The following GDF3 variants were observed in gnomAD, a reference collection of about 807,000 sequenced individuals.
GDF3 encodes growth differentiation factor 3.
A neutral mutation model predicts 10.2 loss-of-function variants in GDF3; 10 were observed. The ratio of observed to expected loss-of-function variants is 0.98; its 90% CI spans 0.60 to 1.66. The LOEUF (loss-of-function observed/expected upper bound fraction) is 1.66. Ranked by LOEUF, GDF3 falls within the 40% of genes most tolerant of loss-of-function variation. The probability of loss-of-function intolerance (pLI) is 0.00; values close to 1 mark genes in which losing one functional copy is unlikely to be tolerated. For synonymous variants in GDF3, 166 were observed against 178.5 expected, an observed-to-expected ratio of 0.93 and a Z score of 0.56; for missense variants, 450 against 438.3, an observed-to-expected ratio of 1.03 and a Z score of -0.24.
intron 1 of GDF3, among the ~76,000 whole-genome samples, chr12:7,692,028 AAAT>A (rs2136877021): frequency 6.6e-6 from 1 of 152,112 alleles, no homozygotes; most frequent in Non-Finnish European, 1.5e-5. Context: ...AATAAATAAA[AAAT>A]AAAAAAAGTT....
At chr12:7,695,192 T>G (rs1864169370) in intron 1 of GDF3, among the ~76,000 whole-genome samples, 1 of 152,156 alleles carries the variant, frequency 6.6e-6, no homozygotes, top group Non-Finnish European at 1.5e-5. Context: ...AACAAAAACC[T>G]ATTTCAAATC....
At chr12:7,690,966 A>G (rs1022695153) in intron 1 of GDF3, among the ~76,000 whole-genome samples, 10 of 152,010 alleles carry the variant, frequency 6.6e-5, no homozygotes, top group African/African-American at 2.2e-4. Flanking sequence ...CCTGGCTAAC[A>G]TGGTGAAACC....
intron 1 of GDF3, among the ~76,000 whole-genome samples, chr12:7,691,019 G>A (rs1169307041): frequency 2.6e-5 from 4 of 151,870 alleles, no homozygotes; most frequent in Admixed American, 6.6e-5. Context: ...GCGTGGTGGC[G>A]GGCGCCTGTA....
At position 7,690,064 on chromosome 12, in the gene GDF3, G is replaced by T; in HGVS notation, c.909C>A (p.Ile303=). 6.2e-7 allele frequency: 1 copy of T among 1,614,164 alleles called. No individual in the cohort carries two copies. The highest frequency in any genetic ancestry group is 8.5e-7 in the Non-Finnish European group (1 of 1,180,012). Residue 303 remains isoleucine (I), a synonymous_variant, in exon 2 of 2, where the codon ATC becomes ATA. Transcript: ENST00000329913. ...CHGECPFSLT[I]SLNSSNYAFM... ...AAGCATAATTGGAGCTGTTGAGAGA[G>T]ATGGTCAGTGAGAAGGGACACTCTC... is the stretch of plus-strand genomic sequence containing the variant.
At position 7,690,308 on chromosome 12, in the gene GDF3, C is replaced by G. The variant is rs1864112603; in HGVS notation, c.665G>C (p.Cys222Ser). ...ATGAAGGGAGCATCTTAGTCTGGCACAGGTGTCTTCAGGCTGAAAATTCAC... is the reference window on the plus strand; with the variant it reads ...ATGAAGGGAGCATCTTAGTCTGGCAGAGGTGTCTTCAGGCTGAAAATTCAC... ...SGVNFQPEDTCARLRCSLHAS... is the reference protein window; with the variant it reads ...SGVNFQPEDTSARLRCSLHAS... Residue 222 changes from cysteine to serine, a missense_variant, in exon 2 of 2, where the codon TGT becomes TCT. Cys to Ser is a moderately radical substitution (Grantham distance 112). Transcript: ENST00000329913. 1 of 1,614,138 alleles carries G rather than the reference C, an allele frequency of 6.2e-7. No homozygotes were observed. The highest frequency in any genetic ancestry group is 8.5e-7 in the Non-Finnish European group (1 of 1,180,028).
At position 7,689,883 on chromosome 12, in the gene GDF3, C is replaced by A; in HGVS notation, c.1090G>T (p.Gly364Trp). 6.3e-7 allele frequency: 1 copy of A among 1,598,774 alleles called. No homozygotes were observed. The highest frequency in any genetic ancestry group is 1.1e-5 in the South Asian group (1 of 90,772). Residue 364 changes from glycine (G) to tryptophan (W), a missense_variant, in exon 2 of 2, where the codon GGG becomes TGG. Physicochemically the swap from Gly to Trp is radical, Grantham distance 184. Coordinates refer to ENST00000329913, the MANE Select transcript of GDF3 (RefSeq NM_020634.3). Reference sequence around the variant, plus strand: ...CTATTCCCATTTCTGACATCCTACCCACACCCACATTCATCGACTACCATG... The same window carrying A: ...CTATTCCCATTTCTGACATCCTACCAACACCCACATTCATCGACTACCATG... The part of the protein sequence containing the change: ...EDMVVDECGC[G>W]
intron 1 of GDF3, among the ~76,000 whole-genome samples, chr12:7,693,424 T>TG: frequency 8.9e-6 from 1 of 112,402 alleles, no homozygotes; most frequent in Middle Eastern, 5.7e-3. Context: ...GTCAGGGGAG[T>TG]GGGGGGAGGG....
At chr12:7,691,753 A>G (rs1433501224) in intron 1 of GDF3, among the ~76,000 whole-genome samples, 6 of 151,654 alleles carry the variant, frequency 4.0e-5, no homozygotes, top group Non-Finnish European at 7.4e-5. Flanking sequence ...CATGCCTGTA[A>G]TCCCAGCACT....
chr12:7,690,892 C>T (rs1864122621), intron 1 of GDF3, among the ~76,000 whole-genome samples, 188 bp from the exon 2 acceptor site: 1 of 152,136 alleles, frequency 6.6e-6, no homozygotes, highest in South Asian at 2.1e-4. Context: ...CGGCTCACGC[C>T]TGTAATCCCA....
chr12:7,691,473 G>T (rs1339878799), intron 1 of GDF3, among the ~76,000 whole-genome samples: 2 of 151,592 alleles, frequency 1.3e-5, no homozygotes, highest in African/African-American at 4.8e-5. Context: ...TTGGGAGGCT[G>T]AGATGGGAGA....
Position 7,689,941 on chromosome 12 carries a change from A to G in GDF3, c.1032T>C (p.Asn344=). ...AATGTCGTAGAATGACATTGTCATT[A>G]TTGTCCTGGTAGAGCATGGAAATGG... ...LSPISMLYQD[N]NDNVILRHYE... Residue 344 remains asparagine, a synonymous_variant, in exon 2 of 2, where the codon AAT becomes AAC. Transcript: ENST00000329913. 6.2e-7 allele frequency: 1 copy of G among 1,613,940 alleles called. No homozygotes were observed. Among genetic ancestry groups the G allele is most frequent in the Non-Finnish European group, 8.5e-7 (1 of 1,179,824 alleles).
At chr12:7,694,058 A>C (rs1163246777) in intron 1 of GDF3, among the ~76,000 whole-genome samples, 2 of 152,164 alleles carry the variant, frequency 1.3e-5, no homozygotes, top group African/African-American at 4.8e-5. Flanking sequence ...TGGATACAGC[A>C]CGTGTGAGGA....
At chr12:7,693,549 T>C (rs894018056) in intron 1 of GDF3, among the ~76,000 whole-genome samples, 2 of 151,196 alleles carry the variant, frequency 1.3e-5, no homozygotes, top group African/African-American at 4.9e-5. Context: ...CTTAAGTAGG[T>C]ATTTTCTGAG....
rs761412168 is a variant in GDF3, at chr12:7,695,750, A to C, written c.-22T>G. 6 of 1,613,744 alleles carry C rather than the reference A, an allele frequency of 3.7e-6. No homozygotes were observed. The highest frequency in any genetic ancestry group is 5.1e-6 in the Non-Finnish European group (6 of 1,179,842). On this transcript the variant is annotated 5_prime_UTR_variant, in exon 1 of 2. Transcript: ENST00000329913. ...GCATGGCCTCTGGAGTGGCTGTCAG[A>C]CCGGGGAGAGCTCCACTGCCAGACT... is the stretch of plus-strand genomic sequence containing the variant.
At position 7,690,405 on chromosome 12, in the gene GDF3, A is replaced by G. The variant is rs1864114688; in HGVS notation, c.568T>C (p.Trp190Arg). Residue 190 changes from tryptophan to arginine, a missense_variant, in exon 2 of 2, where the codon TGG (tryptophan) becomes CGG (arginine). By Grantham distance (101) the Trp-to-Arg change is moderately radical. Coordinates refer to ENST00000329913, the MANE Select transcript of GDF3 (RefSeq NM_020634.3). ...HFNLLDVAKD[W>R]NDNPRKNFGL... ...AAATTTTTCCGGGGGTTGTCATTCC[A>G]ATCCTTAGCTACATCCAGCAGGTTG... 1 of 1,614,016 alleles carries G rather than the reference A, an allele frequency of 6.2e-7. No homozygotes were observed. The highest frequency in any genetic ancestry group is 1.1e-5 in the South Asian group (1 of 91,078).
chr12:7,691,931 C>T (rs575560791), intron 1 of GDF3, among the ~76,000 whole-genome samples: 6 of 151,248 alleles, frequency 4.0e-5, no homozygotes, highest in South Asian at 2.1e-4. Context: ...GGTGTGAACC[C>T]GGGAGGCGGA....
At position 7,690,352 on chromosome 12, in the gene GDF3, T is replaced by A; in HGVS notation, c.621A>T (p.Lys207Asn). Residue 207 changes from lysine to asparagine, a missense_variant, in exon 2 of 2, where the codon AAA (lysine) becomes AAT (asparagine). Physicochemically the swap from Lys to Asn is moderately conservative, Grantham distance 94 (BLOSUM62 0). Transcript: ENST00000329913. ...NFGLFLEILV[K>N]EDRDSGVNFQ... ...AATTCACCCCTGAGTCTCTATCTTC[T>A]TTGACCAGTATCTCCAGGAATAACC... 6.2e-7 allele frequency: 1 copy of A among 1,614,092 alleles called. No homozygotes were observed. Among genetic ancestry groups the A allele is most frequent in the South Asian group, 1.1e-5 (1 of 91,076 alleles).
chr12:7,695,411 C>A, intron 1 of GDF3, 50 bp downstream of exon 1: 1 of 1,554,224 alleles, frequency 6.4e-7, no homozygotes, highest in South Asian at 1.1e-5. Flanking sequence ...TTCCTTTCTT[C>A]ACACCACCCA....
At chr12:7,690,813 G>T in intron 1 of GDF3, 109 bp from the exon 2 acceptor site, 2 of 707,640 alleles carry the variant, frequency 2.8e-6, no homozygotes, top group South Asian at 3.4e-5. Context: ...GGCAGGGAAA[G>T]ACACAAGCCC....
Sources: allele counts gnomAD v4.1 joint callset (sites outside exome capture counted in the v4.1 genomes callset), GRCh38; gene constraint gnomAD v4.1.1; transcripts MANE v1.5; gene names NCBI Gene and HGNC (gene_info 2026-07-23, HGNC 2026-07-21).